RBFOX3: variants seen among roughly 807,000 people sequenced by gnomAD.
The protein encoded by RBFOX3 is RNA binding protein fox-1 homolog 3.
In RBFOX3, 17 loss-of-function variants were observed where a neutral mutation model predicts 48.7. The observed-to-expected ratio is 0.35, with a 90% CI of 0.24 to 0.52. RBFOX3 has a LOEUF of 0.52. Ranked by LOEUF, RBFOX3 falls within the 20% of genes least tolerant of loss-of-function variation. The pLI is 0.94. For synonymous variants in RBFOX3, 212 were observed against 209.5 expected (o/e 1.01, Z -0.10); for missense variants, 382 against 497.5 (o/e 0.77, Z 2.21).
At chr17:79,140,317 C>T (rs150109298) in intron 4 of RBFOX3, among the ~76,000 whole-genome samples, 2 of 152,384 alleles carry the variant, frequency 1.3e-5, no homozygotes, top group Admixed American at 1.3e-4. Context: ...TCCATCTCTC[C>T]ACTCTGAGCC....
intron 1 of RBFOX3, among the ~76,000 whole-genome samples, chr17:79,544,799 C>A (rs74002534): frequency 3.3e-5 from 5 of 151,926 alleles, no homozygotes; most frequent in African/African-American, 1.2e-4. Context: ...GCCCTCCCCC[C>A]ACCTTCTAGA....
Position 79,097,675 on chromosome 17 carries a change from C to T in RBFOX3, c.622+17G>A, listed in dbSNP as rs997566238. 10 of 1,541,216 alleles carry T rather than the reference C, an allele frequency of 6.5e-6. No individual in the cohort carries two copies. Among genetic ancestry groups the T allele is most frequent in the East Asian group, 4.9e-5 (2 of 40,788 alleles). ...GTAGCTGGTCTCATCCCATCCCCGC[C>T]CCGCCCCAGCTTTTACCTGCATAGA... On this transcript the variant is annotated intron_variant, in intron 10 of 14. Coordinates refer to ENST00000693108, the MANE Select transcript of RBFOX3 (RefSeq NM_001350451.2).
At chr17:79,259,267 G>A (rs1253034372) in intron 3 of RBFOX3, among the ~76,000 whole-genome samples, 3 of 152,198 alleles carry the variant, frequency 2.0e-5, no homozygotes, top group South Asian at 4.1e-4. Flanking sequence ...TGCTGTCCTC[G>A]GGTCGAGGGT....
At chr17:79,327,570 T>A (rs1372230968) in intron 2 of RBFOX3, among the ~76,000 whole-genome samples, 1 of 152,260 alleles carries the variant, frequency 6.6e-6, no homozygotes, top group Non-Finnish European at 1.5e-5. Context: ...TTTCTTTTGT[T>A]GCTTTTATTT....
chr17:79,199,422 G>A lies in RBFOX3; in HGVS notation c.-34+36344C>T, dbSNP rs1008688531. On this transcript the variant is annotated intron_variant, in intron 4 of 14. Coordinates refer to ENST00000693108, the MANE Select transcript of RBFOX3 (RefSeq NM_001350451.2). The surrounding 1 kb of genome is among the most constrained non-coding windows in gnomAD (Gnocchi z 5.1). ...CTCTGCCCACCGCCCTACTGCAGGA[G>A]TTGCAGATCTTGGGGGTCTCTCAGT... Among the ~76,000 whole-genome samples the A allele has an allele frequency of 2.6e-5, 4 of 152,150 alleles. No homozygotes were observed. The highest frequency in any genetic ancestry group is 1.3e-4 in the Admixed American group (2 of 15,276).
intron 1 of RBFOX3, among the ~76,000 whole-genome samples, chr17:79,575,417 G>A (rs1442451263): frequency 1.3e-5 from 2 of 151,784 alleles, no homozygotes; most frequent in Admixed American, 6.5e-5. Flanking sequence ...ACAGAGCTAC[G>A]ATGGAAGTGG....
intron 2 of RBFOX3, among the ~76,000 whole-genome samples, chr17:79,370,427 T>C (rs897600): frequency 0.68 from 103,201 of 152,096 alleles, 35,938 homozygotes; most frequent in Admixed American, 0.78. Context: ...CATGCTCACA[T>C]ACACATGCAC....
intron 2 of RBFOX3, among the ~76,000 whole-genome samples, chr17:79,382,631 T>C (rs2060065095): frequency 6.6e-6 from 1 of 152,190 alleles, no homozygotes; most frequent in Non-Finnish European, 1.5e-5. Context: ...ACCAAAGACC[T>C]GACCAGATTG....
chr17:79,117,167 C>T (rs1284027102), intron 4 of RBFOX3, among the ~76,000 whole-genome samples: 2 of 152,242 alleles, frequency 1.3e-5, no homozygotes, highest in Non-Finnish European at 2.9e-5. Flanking sequence ...GCGAGGCACT[C>T]GCCCCCCCAG....
At chr17:79,595,239 C>T (rs1035758404) in intron 1 of RBFOX3, among the ~76,000 whole-genome samples, 264 of 152,204 alleles carry the variant, frequency 1.7e-3, no homozygotes, top group Middle Eastern at 6.8e-3. Flanking sequence ...AGAAAGAAAC[C>T]GGCACGCAGA....
At chr17:79,380,473 C>T (rs1380522536) in intron 2 of RBFOX3, among the ~76,000 whole-genome samples, 2 of 152,198 alleles carry the variant, frequency 1.3e-5, no homozygotes, top group Non-Finnish European at 1.5e-5. Context: ...CTGTCAGCGC[C>T]CCTGGCCTGG....
At chr17:79,623,682 C>T in the RBFOX3 span, among the ~76,000 whole-genome samples, 1 of 152,064 alleles carries the variant, frequency 6.6e-6, no homozygotes, top group Non-Finnish European at 1.5e-5. Flanking sequence ...ATTAGCCAGG[C>T]ATGGTGGCCC....
intron 2 of RBFOX3, among the ~76,000 whole-genome samples, chr17:79,382,566 A>C (rs927905940): frequency 2.6e-5 from 4 of 152,202 alleles, no homozygotes; most frequent in Non-Finnish European, 5.9e-5. Flanking sequence ...AACTGGTTCC[A>C]CATGTGCTTG....
chr17:79,657,572 A>T, the RBFOX3 span, among the ~76,000 whole-genome samples: 3 of 152,192 alleles, frequency 2.0e-5, no homozygotes, highest in Non-Finnish European at 4.4e-5. Context: ...CCAGCTACTC[A>T]GGAGGCTGAG....
intron 4 of RBFOX3, among the ~76,000 whole-genome samples, chr17:79,131,910 C>T (rs1407543345): frequency 6.6e-6 from 1 of 152,162 alleles, no homozygotes; most frequent in Non-Finnish European, 1.5e-5. Context: ...AAGCGCCAGA[C>T]GAGGGGACAG....
intron 1 of RBFOX3, among the ~76,000 whole-genome samples, chr17:79,489,623 T>C (rs2080194306): frequency 1.3e-5 from 2 of 152,172 alleles, no homozygotes; most frequent in Admixed American, 1.3e-4. Flanking sequence ...AACCATGGAA[T>C]TCTCCAAAGG....
chr17:79,296,843 T>A (rs904931248), intron 3 of RBFOX3, among the ~76,000 whole-genome samples: 1 of 65,752 alleles, frequency 1.5e-5, no homozygotes, highest in East Asian at 5.3e-4. Flanking sequence ...TCCCCCCTCC[T>A]CCCCCTCCTC....
At chr17:79,187,301 C>T (rs988094921) in intron 4 of RBFOX3, among the ~76,000 whole-genome samples, 8 of 152,192 alleles carry the variant, frequency 5.3e-5, no homozygotes, top group African/African-American at 1.9e-4. Flanking sequence ...TGCTCCTGCC[C>T]CTCTTTCCCC....
chr17:79,283,898 T>TACCTTCTCCA (rs2071210175), intron 3 of RBFOX3, among the ~76,000 whole-genome samples: 5 of 151,394 alleles, frequency 3.3e-5, no homozygotes, highest in East Asian at 1.9e-4. Flanking sequence ...TAAATGGAGA[T>TACCTTCTCCA]GCCTTCTCCA....
Sources: gnomAD v4.1 joint callset for allele counts (sites outside exome capture counted in the v4.1 genomes callset) on GRCh38, gnomAD v4.1.1 for gene constraint, Gnocchi (gnomAD v3.1) non-coding constraint, MANE v1.5 for transcripts, NCBI Gene and HGNC (gene_info 2026-07-23, HGNC 2026-07-21) for gene names.